Variants in KCNJ6 observed in about 807,000 individuals in gnomAD.
KCNJ6 encodes potassium inwardly rectifying channel subfamily J member 6, also known as G protein-activated inward rectifier potassium channel 2.
KCNJ6 carries 9 observed loss-of-function variants against 34.2 expected under a neutral mutation model. The ratio of observed to expected loss-of-function variants is 0.26; its 90% confidence interval spans 0.16 to 0.46. The LOEUF (loss-of-function observed/expected upper bound fraction) is 0.46. KCNJ6 is among the 20% of genes least tolerant of loss of function. The probability of loss-of-function intolerance (pLI) is 1.00; values close to 1 mark genes in which losing one functional copy is unlikely to be tolerated. For missense variants in KCNJ6, 236 were observed against 531.3 expected (o/e 0.44, Z 5.46); for synonymous variants, 196 against 207.1 (o/e 0.95, Z 0.46).
chr21:37,891,473 T>G (rs2055761875), intron 1 of KCNJ6, among the ~76,000 whole-genome samples: 1 of 152,150 alleles, frequency 6.6e-6, no homozygotes, highest in African/African-American at 2.4e-5. Flanking sequence ...CTATGAATGG[T>G]TCCGACTAGC....
Position 37,616,696 on chromosome 21 carries a change from T to C in KCNJ6, c.*8463A>G, listed in dbSNP as rs1474966378. On this transcript the variant is annotated 3_prime_UTR_variant, in exon 4 of 4. Coordinates refer to ENST00000609713, the MANE Select transcript of KCNJ6 (RefSeq NM_002240.5). ...TAAGGAATAGGACTAACCCCAATAA[T>C]AGGTTGCTGGATTGTGGATGCTCAA... The C allele has an allele frequency of 6.7e-6, 1 of 148,380 alleles. No individual in the cohort carries two copies. Among genetic ancestry groups the C allele is most frequent in the African/African-American group, 2.5e-5 (1 of 39,886 alleles). 9.2% of individuals were successfully genotyped at this position (148,380 alleles called of 1,614,324 possible).
At chr21:37,755,091 C>G (rs529531733) in intron 2 of KCNJ6, among the ~76,000 whole-genome samples, 1 of 152,080 alleles carries the variant, frequency 6.6e-6, no homozygotes, top group South Asian at 2.1e-4. Flanking sequence ...AGGACCCGAG[C>G]GAGACCCAGT....
intron 2 of KCNJ6, among the ~76,000 whole-genome samples, chr21:37,808,193 C>T (rs368295661): frequency 3.9e-5 from 6 of 152,290 alleles, no homozygotes; most frequent in Admixed American, 6.5e-5. Flanking sequence ...GAATACCTAA[C>T]GAAATCCGTG....
intron 2 of KCNJ6, among the ~76,000 whole-genome samples, chr21:37,807,146 C>G (rs1305477725): frequency 6.6e-6 from 1 of 152,136 alleles, no homozygotes; most frequent in Non-Finnish European, 1.5e-5. Context: ...TTGGGGAAAG[C>G]TTTCAACAGC....
At chr21:37,812,876 AC>A (rs2055329700) in intron 2 of KCNJ6, among the ~76,000 whole-genome samples, 1 of 152,242 alleles carries the variant, frequency 6.6e-6, no homozygotes, top group Non-Finnish European at 1.5e-5. Flanking sequence ...GCCCACTTTC[AC>A]CAATTTTATT....
chr21:37,796,148 C>T lies in KCNJ6; in HGVS notation c.25+44510G>A, dbSNP rs190268163. ...TGCCGTAGCCCGTGGTTGCATCCAG[C>T]GCTTTCTCCCTGCCATTTTTTATGG... is the stretch of plus-strand genomic sequence containing the variant. On this transcript the variant is annotated intron_variant, in intron 2 of 3. Coordinates refer to ENST00000609713, the MANE Select transcript of KCNJ6 (RefSeq NM_002240.5). 3.9e-5 allele frequency among the ~76,000 whole-genome samples: 6 copies of T among 152,238 alleles called. No homozygotes were observed. In the East Asian group the frequency reaches 1.2e-3, roughly 29 times the overall value.
rs1177536947 is a variant in KCNJ6 at position 37,623,077 on chromosome 21, G to T, written c.*2082C>A. The T allele has an allele frequency of 6.6e-6, 1 of 152,216 alleles. No individual in the cohort carries two copies. Among genetic ancestry groups the T allele is most frequent in the Non-Finnish European group, 1.5e-5 (1 of 68,066 alleles). The allele number at this position is 152,216 out of a possible 1,614,324, so 9.4% of individuals were successfully genotyped here. The stretch of plus-strand genomic sequence containing the variant: ...TCCTTCTTAGAGTGTGCGAAATAAA[G>T]AAATGATTCAACAGAGATTCAATGC... On this transcript the variant is annotated 3_prime_UTR_variant, in exon 4 of 4. Coordinates refer to ENST00000609713, the MANE Select transcript of KCNJ6 (RefSeq NM_002240.5).
intron 2 of KCNJ6, among the ~76,000 whole-genome samples, chr21:37,777,359 G>T (rs2055147413): frequency 6.6e-6 from 1 of 151,800 alleles, no homozygotes; most frequent in Admixed American, 6.6e-5. Flanking sequence ...TTTCTTTCTT[G>T]TCCTTTCCCC....
chr21:37,704,657 G>GTTGTCATCA (rs1556021699), intron 3 of KCNJ6, among the ~76,000 whole-genome samples: 80 of 72,912 alleles, frequency 1.1e-3, no homozygotes, highest in Non-Finnish European at 1.8e-3. Context: ...AGTATGAGTC[G>GTTGTCATCA]TCGTCATCAT....
chr21:37,849,171 G>C (rs1255416860), intron 1 of KCNJ6, among the ~76,000 whole-genome samples: 1 of 152,178 alleles, frequency 6.6e-6, no homozygotes, highest in Non-Finnish European at 1.5e-5. Flanking sequence ...TTCCCTGTCA[G>C]GTACCTCTGC....
At chr21:37,649,539 A>AGTTT (rs897209650) in intron 3 of KCNJ6, among the ~76,000 whole-genome samples, 3 of 151,966 alleles carry the variant, frequency 2.0e-5, no homozygotes, top group African/African-American at 7.3e-5. Flanking sequence ...TGGGCAGGAG[A>AGTTT]GTTTGTTTGC....
rs987520225 is a variant in KCNJ6 at position 37,615,285 on chromosome 21, C to G, written c.*9874G>C. 7.5e-6 allele frequency: 1 copy of G among 133,234 alleles called. No individual in the cohort carries two copies. The highest frequency in any genetic ancestry group is 7.9e-5 in the Admixed American group (1 of 12,650). 8.3% of individuals were successfully genotyped at this position (133,234 alleles called of 1,614,324 possible). On this transcript the variant is annotated 3_prime_UTR_variant, in exon 4 of 4. Transcript: ENST00000609713. Reference sequence around the variant, plus strand: ...TTTTTTTTTTTGAGACGGAGTCTCGCTCTGTCGCCCAGGTCGGACTGCGGA... The same window carrying G: ...TTTTTTTTTTTGAGACGGAGTCTCGGTCTGTCGCCCAGGTCGGACTGCGGA...
At chr21:37,633,467 G>C (rs1328381959) in intron 3 of KCNJ6, among the ~76,000 whole-genome samples, 1 of 143,880 alleles carries the variant, frequency 7.0e-6, no homozygotes, top group African/African-American at 2.6e-5. Context: ...TTTACCAAAG[G>C]CCTTTGCCAG....
At chr21:37,681,767 C>G (rs941367411) in intron 3 of KCNJ6, among the ~76,000 whole-genome samples, 1 of 97,530 alleles carries the variant, frequency 1.0e-5, no homozygotes, top group African/African-American at 4.2e-5. Flanking sequence ...AGAAAGAGAG[C>G]GGGAGAGAGG....
intron 2 of KCNJ6, among the ~76,000 whole-genome samples, chr21:37,757,766 C>CTA (rs1382480520): frequency 1.3e-5 from 2 of 152,280 alleles, no homozygotes; most frequent in African/African-American, 4.8e-5. Flanking sequence ...CAATCATTCC[C>CTA]TATTACGGAG....
At chr21:37,778,105 A>G (rs77314495) in intron 2 of KCNJ6, among the ~76,000 whole-genome samples, 11,191 of 152,232 alleles carry the variant, frequency 0.074, 422 homozygotes, top group African/African-American at 0.085. Flanking sequence ...CTTTTTTTCC[A>G]TGCTAGAAAA....
chr21:37,704,607 C>T (rs2054709132), intron 3 of KCNJ6, among the ~76,000 whole-genome samples: 1 of 152,116 alleles, frequency 6.6e-6, no homozygotes, highest in Non-Finnish European at 1.5e-5. Context: ...AATGTATTTA[C>T]TTAGCAGATG....
intron 2 of KCNJ6, among the ~76,000 whole-genome samples, chr21:37,724,332 CTT>C (rs2054842926): frequency 6.6e-6 from 1 of 150,644 alleles, no homozygotes; most frequent in South Asian, 2.1e-4. Flanking sequence ...AAAAAAAAAA[CTT>C]TTTACAACCC....
Position 37,916,164 on chromosome 21 carries a change from TCTCCGGA to T in KCNJ6, c.-315_-309del, listed in dbSNP as rs2055893153. 6.6e-6 allele frequency: 1 copy of T among 151,622 alleles called. No individual in the cohort carries two copies. 9.4% of individuals were successfully genotyped at this position (151,622 alleles called of 1,614,324 possible). On this transcript the variant is annotated 5_prime_UTR_variant, in exon 1 of 4. It removes the in-frame stop codon of an upstream open reading frame in the 5' UTR. Coordinates refer to ENST00000609713, the MANE Select transcript of KCNJ6 (RefSeq NM_002240.5). ...CAGCCTCTCCAGCCAGGTGCGGCCGTCTCCGGACTGGCTCCCTCTGGCCGAGCGCGGA... is the reference window on the plus strand; with the variant it reads ...CAGCCTCTCCAGCCAGGTGCGGCCGTCTGGCTCCCTCTGGCCGAGCGCGGA...
Sources: allele counts gnomAD v4.1 joint callset (sites outside exome capture counted in the v4.1 genomes callset), GRCh38; gene constraint gnomAD v4.1.1; transcripts MANE v1.5; gene names NCBI Gene and HGNC (gene_info 2026-07-23, HGNC 2026-07-21).